The following CSMD3 variants were observed in gnomAD, a reference collection of about 807,000 sequenced individuals.
CSMD3 encodes the protein CUB and Sushi multiple domains 3.
CSMD3 carries 177 observed loss-of-function variants against 435.2 expected under a neutral mutation model. The observed-to-expected ratio is 0.41, with a 90% confidence interval of 0.36 to 0.46. The LOEUF is 0.46. Ranked by LOEUF, CSMD3 falls within the 20% of genes least tolerant of loss-of-function variation. CSMD3 has a pLI of 0.34. For synonymous variants in CSMD3, 1,656 were observed against 1,520.5 expected (o/e 1.09, Z -2.07); for missense variants, 4,265 against 4,504.6 (o/e 0.95, Z 1.52).
At chr8:112,557,055 T>A in intron 24 of CSMD3, 101 bp from the exon 25 acceptor site, 2 of 748,326 alleles carry the variant, frequency 2.7e-6, no homozygotes, top group Non-Finnish European at 4.6e-6. Context: ...GATTACATAC[T>A]TATTCTTAGT....
chr8:112,778,980 T>C (rs1053220798), intron 13 of CSMD3, among the ~76,000 whole-genome samples: 2 of 152,156 alleles, frequency 1.3e-5, no homozygotes, highest in South Asian at 4.1e-4. Flanking sequence ...TGTATCTTTT[T>C]CCAGTCTGTT....
At chr8:113,155,690 T>C (rs186980819) in intron 4 of CSMD3, among the ~76,000 whole-genome samples, 1 of 152,218 alleles carries the variant, frequency 6.6e-6, no homozygotes, top group Non-Finnish European at 1.5e-5. Flanking sequence ...AACATTATAA[T>C]TTTAGATATC....
At chr8:113,435,222 G>A (rs1027923641) in intron 1 of CSMD3, among the ~76,000 whole-genome samples, 1 of 152,166 alleles carries the variant, frequency 6.6e-6, no homozygotes, top group African/African-American at 2.4e-5. Context: ...GAGCTGCTCT[G>A]AGGCCCCAGA....
intron 3 of CSMD3, among the ~76,000 whole-genome samples, chr8:113,276,284 G>T (rs527449871): frequency 6.6e-6 from 1 of 152,264 alleles, no homozygotes; most frequent in South Asian, 2.1e-4. Context: ...AGCCAGATGG[G>T]CCCAAGCCAA....
At chr8:112,757,976 A>G (rs1003697426) in intron 13 of CSMD3, among the ~76,000 whole-genome samples, 1 of 152,136 alleles carries the variant, frequency 6.6e-6, no homozygotes, top group African/African-American at 2.4e-5. Flanking sequence ...AGATCCTTTA[A>G]GCCCAGGAGT....
At chr8:112,517,627 A>G (rs1025656795) in intron 27 of CSMD3, among the ~76,000 whole-genome samples, 1 of 152,226 alleles carries the variant, frequency 6.6e-6, no homozygotes, top group South Asian at 2.1e-4. Flanking sequence ...AGACATTTTA[A>G]TGAAAACGAT....
chr8:112,474,798 G>T (rs115167373), intron 31 of CSMD3, among the ~76,000 whole-genome samples: 1 of 152,084 alleles, frequency 6.6e-6, no homozygotes, highest in Non-Finnish European at 1.5e-5. Flanking sequence ...CAAACAGTAC[G>T]TTGTATTGCG....
chr8:112,903,396 A>G (rs1176784607), intron 10 of CSMD3, among the ~76,000 whole-genome samples: 1 of 151,230 alleles, frequency 6.6e-6, no homozygotes, highest in Non-Finnish European at 1.5e-5. Context: ...AAAACATTTG[A>G]ATAAAATGTT....
intron 13 of CSMD3, among the ~76,000 whole-genome samples, chr8:112,795,372 G>A (rs1284161215): frequency 6.6e-6 from 1 of 152,134 alleles, no homozygotes; most frequent in Admixed American, 6.6e-5. Context: ...ATACATGATT[G>A]TGTCAATGGA....
At chr8:113,248,577 TTA>T (rs1315869435) in intron 3 of CSMD3, among the ~76,000 whole-genome samples, 3 of 148,374 alleles carry the variant, frequency 2.0e-5, no homozygotes, top group African/African-American at 7.4e-5. Context: ...AAATAAATTG[TTA>T]TATATAAATT....
chr8:112,316,853 G>C (rs1326355224), intron 47 of CSMD3, among the ~76,000 whole-genome samples: 1 of 151,854 alleles, frequency 6.6e-6, no homozygotes, highest in East Asian at 1.9e-4. Context: ...TTTTAAGTGA[G>C]ACACATAGAG....
intron 35 of CSMD3, among the ~76,000 whole-genome samples, chr8:112,404,424 G>T (rs1299821776): frequency 1.3e-5 from 2 of 151,780 alleles, no homozygotes; most frequent in Non-Finnish European, 2.9e-5. Context: ...CAGATACTTG[G>T]GAGGCTGAGG....
chr8:113,191,440 T>C (rs2092583238), intron 3 of CSMD3, among the ~76,000 whole-genome samples: 1 of 151,714 alleles, frequency 6.6e-6, no homozygotes, highest in Admixed American at 6.6e-5. Flanking sequence ...TTTCCATCTT[T>C]ATATCCACGT....
At chr8:112,813,750 A>G (rs1197228688) in intron 12 of CSMD3, among the ~76,000 whole-genome samples, 1 of 152,030 alleles carries the variant, frequency 6.6e-6, no homozygotes, top group Admixed American at 6.6e-5. Context: ...CTGAGCCCCT[A>G]CTCGACCCAG....
intron 5 of CSMD3, among the ~76,000 whole-genome samples, chr8:113,020,187 A>C (rs1248627374): frequency 6.6e-6 from 1 of 150,908 alleles, no homozygotes; most frequent in Non-Finnish European, 1.5e-5. Context: ...AAAAAAAAAA[A>C]AAAAGAATAT....
At chr8:112,268,479 A>G (rs1411805657) in intron 59 of CSMD3, among the ~76,000 whole-genome samples, 1 of 152,210 alleles carries the variant, frequency 6.6e-6, no homozygotes, top group Non-Finnish European at 1.5e-5. Flanking sequence ...GTAAATGTGC[A>G]TTTTAAAATA....
chr8:112,229,882 C>T (rs1165551420), intron 69 of CSMD3, among the ~76,000 whole-genome samples: 2 of 126,014 alleles, frequency 1.6e-5, no homozygotes, highest in Admixed American at 7.5e-5. Context: ...GTAGTGACAG[C>T]CGAGATTAAA....
chr8:112,992,375 C>T (rs779463285), intron 6 of CSMD3, among the ~76,000 whole-genome samples: 4 of 151,558 alleles, frequency 2.6e-5, no homozygotes, highest in Non-Finnish European at 5.9e-5. Context: ...AAAACATACA[C>T]GGTGATTTCA....
At chr8:113,149,512 C>G (rs1403860156) in intron 4 of CSMD3, among the ~76,000 whole-genome samples, 1 of 151,814 alleles carries the variant, frequency 6.6e-6, no homozygotes, top group Non-Finnish European at 1.5e-5. Flanking sequence ...ATTTTGGTTT[C>G]CTTGACATGT....
Sources: gnomAD v4.1 joint callset for allele counts (sites outside exome capture counted in the v4.1 genomes callset) on GRCh38, gnomAD v4.1.1 for gene constraint, MANE v1.5 for transcripts, NCBI Gene and HGNC (gene_info 2026-07-23, HGNC 2026-07-21) for gene names.